The following TAFA1 variants were observed in gnomAD, a reference collection of about 807,000 sequenced individuals.
TAFA1 encodes the protein TAFA chemokine like family member 1.
TAFA1 carries 4 observed loss-of-function variants against 18.5 expected under a neutral mutation model. That is an observed-to-expected ratio of 0.22 (90% CI 0.11 to 0.49). TAFA1 has a LOEUF of 0.49. Among genes scored for constraint, TAFA1 ranks in the 20% least tolerant of loss-of-function variants. TAFA1 has a pLI of 0.98. For synonymous variants in TAFA1, 56 were observed against 55.2 expected (o/e 1.01, Z -0.06); for missense variants, 147 against 169.0 (o/e 0.87, Z 0.72).
At chr3:68,008,956 A>C (rs1704418375) in intron 2 of TAFA1, among the ~76,000 whole-genome samples, 1 of 152,174 alleles carries the variant, frequency 6.6e-6, no homozygotes, top group East Asian at 1.9e-4. Context: ...AATATAATAA[A>C]AATAACTTCG....
chr3:68,424,185 C>T (rs1294748071), intron 3 of TAFA1, among the ~76,000 whole-genome samples: 1 of 152,018 alleles, frequency 6.6e-6, no homozygotes, highest in Non-Finnish European at 1.5e-5. Context: ...GCTCATCATA[C>T]TTAGTCCCCA....
At chr3:68,306,214 T>C (rs984609717) in intron 2 of TAFA1, among the ~76,000 whole-genome samples, 2 of 152,228 alleles carry the variant, frequency 1.3e-5, no homozygotes, top group Non-Finnish European at 2.9e-5. Context: ...TGTGTGACCT[T>C]CATGGTCTTT....
At chr3:68,498,678 G>A (rs1489470778) in intron 3 of TAFA1, among the ~76,000 whole-genome samples, 1 of 144,936 alleles carries the variant, frequency 6.9e-6, no homozygotes, top group Non-Finnish European at 1.5e-5. Flanking sequence ...ATTAGAAGAA[G>A]GCTATTTGGG....
chr3:68,151,065 TATTCAA>T, intron 2 of TAFA1, among the ~76,000 whole-genome samples: 1 of 152,018 alleles, frequency 6.6e-6, no homozygotes, highest in Admixed American at 6.5e-5. Flanking sequence ...ATCCTGAGTT[TATTCAA>T]ACTCAGGATG....
At chr3:68,378,984 G>T (rs1025022297) in intron 2 of TAFA1, among the ~76,000 whole-genome samples, 3 of 152,016 alleles carry the variant, frequency 2.0e-5, no homozygotes, top group Non-Finnish European at 2.9e-5. Flanking sequence ...ACCCAGTCTC[G>T]GGTATTTCTT....
chr3:68,118,967 C>A (rs1370640483), intron 2 of TAFA1, among the ~76,000 whole-genome samples: 1 of 152,006 alleles, frequency 6.6e-6, no homozygotes, highest in African/African-American at 2.4e-5. Context: ...TCCACAGGGG[C>A]AACGTCATTT....
chr3:68,532,681 C>T (rs1575957177), intron 3 of TAFA1, among the ~76,000 whole-genome samples: 1 of 152,038 alleles, frequency 6.6e-6, no homozygotes, highest in South Asian at 2.1e-4. Flanking sequence ...AAACAGTTAA[C>T]TAGCATTGAT....
chr3:68,173,069 G>T (rs2066077869), intron 2 of TAFA1, among the ~76,000 whole-genome samples: 1 of 151,942 alleles, frequency 6.6e-6, no homozygotes, highest in South Asian at 2.1e-4. Flanking sequence ...TAGCTAAAGA[G>T]CTATAGTCCT....
chr3:68,540,329 G>GA (rs1331771670), intron 4 of TAFA1, among the ~76,000 whole-genome samples: 1 of 151,834 alleles, frequency 6.6e-6, no homozygotes, highest in Non-Finnish European at 1.5e-5. Flanking sequence ...AGCTTAATGT[G>GA]GATTATCCTG....
intron 2 of TAFA1, among the ~76,000 whole-genome samples, chr3:68,353,646 A>G (rs2069310875): frequency 6.6e-6 from 1 of 152,036 alleles, no homozygotes; most frequent in Admixed American, 6.6e-5. Context: ...AAATATTCAG[A>G]AAAAGGCAGG....
chr3:68,311,390 A>G (rs2068513195), intron 2 of TAFA1, among the ~76,000 whole-genome samples: 1 of 152,180 alleles, frequency 6.6e-6, no homozygotes. Context: ...CATAGTCCAA[A>G]GTCTTATCTG....
intron 2 of TAFA1, among the ~76,000 whole-genome samples, chr3:68,169,844 C>A (rs1317254114): frequency 6.6e-6 from 1 of 152,158 alleles, no homozygotes; most frequent in African/African-American, 2.4e-5. Flanking sequence ...GCAGCTTCAG[C>A]AGCTGGCCAG....
intron 3 of TAFA1, among the ~76,000 whole-genome samples, chr3:68,486,483 A>T (rs1012231125): frequency 6.6e-6 from 1 of 152,176 alleles, no homozygotes; most frequent in Admixed American, 6.5e-5. Context: ...TAGACTTTGA[A>T]CACAAACAGA....
chr3:68,281,686 G>A lies in TAFA1; in HGVS notation c.119-135594G>A, dbSNP rs915447346. Among the ~76,000 whole-genome samples the A allele has an allele frequency of 2.0e-5, 3 of 152,018 alleles. No individual in the cohort carries two copies. In the South Asian group the frequency reaches 6.2e-4, roughly 32 times the overall value. On this transcript the variant is annotated intron_variant, in intron 2 of 4. Transcript: ENST00000478136. ...GATTTCAGGCTGGTCTCAAACTCCC[G>A]ACCTGAAGTGATCCACCTGCCTCGG...
In TAFA1 at chr3:68,393,067, A is replaced by G. The variant is rs189065322; in HGVS notation, c.119-24213A>G. Among the ~76,000 whole-genome samples the G allele has an allele frequency of 5.3e-5, 8 of 152,306 alleles. No individual in the cohort carries two copies. The East Asian group carries it at 1.5e-3, about 29-fold the overall frequency. On this transcript the variant is annotated intron_variant, in intron 2 of 4. Transcript: ENST00000478136. ...CCTCCAAAAAATCAATGAGTCCAGG[A>G]GCTGGTTTTTGAAAATATTAACAAA... is the stretch of plus-strand genomic sequence containing the variant.
chr3:68,444,771 A>AATATATATATATATATAT (rs55684696), intron 3 of TAFA1, among the ~76,000 whole-genome samples: 38 of 127,260 alleles, frequency 3.0e-4, no homozygotes, highest in Admixed American at 5.8e-4. Context: ...GTTTCTACAA[A>AATATATATATATATATAT]ATATATATAT....
chr3:68,532,471 A>T (rs1450602333), intron 3 of TAFA1, among the ~76,000 whole-genome samples: 3 of 152,110 alleles, frequency 2.0e-5, no homozygotes, highest in Non-Finnish European at 2.9e-5. Flanking sequence ...GAGAAAGCCC[A>T]TTTGCATCCA....
intron 2 of TAFA1, among the ~76,000 whole-genome samples, chr3:68,248,033 G>A (rs1255288884): frequency 2.6e-5 from 4 of 152,206 alleles, no homozygotes; most frequent in Admixed American, 1.3e-4. Context: ...GCAGAATTAG[G>A]TGTGACCTCA....
At chr3:68,111,260 T>G in intron 2 of TAFA1, among the ~76,000 whole-genome samples, 1 of 152,090 alleles carries the variant, frequency 6.6e-6, no homozygotes, top group East Asian at 1.9e-4. Context: ...ACCGAAATAA[T>G]GGAAGCCAGA....
Sources: gnomAD v4.1 joint callset for allele counts (sites outside exome capture counted in the v4.1 genomes callset) on GRCh38, gnomAD v4.1.1 for gene constraint, MANE v1.5 for transcripts, NCBI Gene and HGNC (gene_info 2026-07-23, HGNC 2026-07-21) for gene names.